Variants in ARL15 observed in about 807,000 individuals in gnomAD.
ARL15 encodes the protein ADP-ribosylation factor-like protein 15.
In ARL15, 19 loss-of-function variants were observed where a neutral mutation model predicts 25.2. That is an observed-to-expected ratio of 0.75 (90% CI 0.53 to 1.10). The LOEUF (loss-of-function observed/expected upper bound fraction) is 1.10, where lower values mean the gene tolerates loss of function less well. ARL15 is among the 50% of genes least tolerant of loss of function. ARL15 has a pLI of 0.00. For synonymous variants in ARL15, 94 were observed against 86.8 expected (o/e 1.08, Z -0.46); for missense variants, 220 against 246.0 (o/e 0.89, Z 0.71).
chr5:54,273,989 G>T (rs1199835059), intron 1 of ARL15, among the ~76,000 whole-genome samples: 2 of 152,218 alleles, frequency 1.3e-5, no homozygotes, highest in African/African-American at 4.8e-5. Context: ...AGGCCGTTAG[G>T]TCTTTCTAAG....
intron 1 of ARL15, among the ~76,000 whole-genome samples, chr5:54,277,625 G>A (rs1209638104): frequency 4.6e-5 from 7 of 152,068 alleles, no homozygotes; most frequent in South Asian, 4.2e-4. Flanking sequence ...GGTGGCGGGC[G>A]CCTGTAGTCC....
intron 1 of ARL15, among the ~76,000 whole-genome samples, chr5:54,253,196 G>C (rs1334837736): frequency 6.6e-6 from 1 of 152,190 alleles, no homozygotes; most frequent in Non-Finnish European, 1.5e-5. Context: ...AGTCAGCATA[G>C]CACTCAAATA....
chr5:54,072,248 T>C (rs1561212715), intron 4 of ARL15, among the ~76,000 whole-genome samples: 1 of 152,208 alleles, frequency 6.6e-6, no homozygotes, highest in Non-Finnish European at 1.5e-5. Context: ...TCCTACCATC[T>C]GTACTCCCAG....
At chr5:53,983,489 T>C (rs1037012817) in intron 4 of ARL15, among the ~76,000 whole-genome samples, 2 of 152,202 alleles carry the variant, frequency 1.3e-5, no homozygotes, top group Non-Finnish European at 2.9e-5. Flanking sequence ...CTCAGCAATG[T>C]CACTTTCAGC....
intron 2 of ARL15, among the ~76,000 whole-genome samples, chr5:54,160,564 CAGTAAA>C (rs974426580): frequency 2.6e-5 from 4 of 151,978 alleles, no homozygotes; most frequent in Non-Finnish European, 5.9e-5. Flanking sequence ...CATACATATA[CAGTAAA>C]GGAATTCAGT....
In ARL15 at chr5:54,078,179, T is replaced by A. The variant is rs564270043; in HGVS notation, c.462+35023A>T. Among the ~76,000 whole-genome samples the A allele has an allele frequency of 2.0e-5, 3 of 152,320 alleles. No homozygotes were observed. In the East Asian group the frequency reaches 5.8e-4, roughly 29 times the overall value. ...GAGTTATTCCTAACACCCAAATTGA[T>A]GGGGTTTTCTCATTACTGAATCTCA... On this transcript the variant is annotated intron_variant, in intron 4 of 4. Coordinates refer to ENST00000504924, the MANE Select transcript of ARL15 (RefSeq NM_019087.3).
chr5:54,201,508 TCTC>T (rs1036630912), intron 1 of ARL15, among the ~76,000 whole-genome samples: 42 of 152,048 alleles, frequency 2.8e-4, no homozygotes, highest in African/African-American at 9.9e-4. Context: ...TGATCATCCT[TCTC>T]CTCCACCATC....
chr5:54,129,943 T>C (rs191199820), intron 3 of ARL15, among the ~76,000 whole-genome samples: 2 of 152,308 alleles, frequency 1.3e-5, no homozygotes, highest in East Asian at 1.9e-4. Context: ...AGCATTAAAA[T>C]GTCTTAAAAT....
At chr5:54,032,001 A>G (rs1477193273) in intron 4 of ARL15, among the ~76,000 whole-genome samples, 2 of 152,232 alleles carry the variant, frequency 1.3e-5, no homozygotes, top group Non-Finnish European at 2.9e-5. Flanking sequence ...TATAATTGGC[A>G]TGATTAAGGT....
At chr5:54,002,451 T>A (rs1374798757) in intron 4 of ARL15, among the ~76,000 whole-genome samples, 4 of 152,142 alleles carry the variant, frequency 2.6e-5, no homozygotes, top group African/African-American at 9.7e-5. Context: ...ACTTTTTCAT[T>A]AGCTTAAAAG....
At chr5:54,182,724 A>G (rs377316621) in intron 1 of ARL15, among the ~76,000 whole-genome samples, 2 of 152,084 alleles carry the variant, frequency 1.3e-5, no homozygotes, top group African/African-American at 4.8e-5. Context: ...CATTGAATCT[A>G]TAAATTACCT....
chr5:54,235,763 C>T (rs758039147), intron 1 of ARL15, among the ~76,000 whole-genome samples: 24 of 152,136 alleles, frequency 1.6e-4, no homozygotes, highest in Non-Finnish European at 2.9e-4. Flanking sequence ...TGAGCCACCA[C>T]CCCGGGCTAT....
chr5:54,020,670 T>A (rs967973313), intron 4 of ARL15, among the ~76,000 whole-genome samples: 2 of 151,936 alleles, frequency 1.3e-5, no homozygotes, highest in Admixed American at 6.6e-5. Flanking sequence ...GAAAAGACAG[T>A]CAGCAGGGCT....
intron 3 of ARL15, among the ~76,000 whole-genome samples, chr5:54,127,419 T>C (rs1166409897): frequency 1.3e-5 from 2 of 151,996 alleles, no homozygotes; most frequent in Non-Finnish European, 2.9e-5. Flanking sequence ...CCATTCACAA[T>C]TGCTTCAAAG....
At position 54,187,459 on chromosome 5, in the gene ARL15, T is replaced by C. The variant is rs943328166; in HGVS notation, c.49-15531A>G. ...CAGCAGAACTTATCTAGTACTACAA[T>C]TGAAGGACATAAAACAGAACATATT... On this transcript the variant is annotated intron_variant, in intron 1 of 4. Coordinates refer to ENST00000504924, the MANE Select transcript of ARL15 (RefSeq NM_019087.3). Among the ~76,000 whole-genome samples, 5 of 152,186 alleles carry C rather than the reference T, an allele frequency of 3.3e-5. No homozygotes were observed. In the East Asian group the frequency reaches 7.7e-4, roughly 23 times the overall value.
At chr5:54,066,832 A>T (rs914235530) in intron 4 of ARL15, among the ~76,000 whole-genome samples, 3 of 152,166 alleles carry the variant, frequency 2.0e-5, no homozygotes, top group African/African-American at 4.8e-5. Context: ...AAACTAAATT[A>T]AAAAATATAA....
At chr5:53,898,971 G>A (rs1744967416) in intron 4 of ARL15, among the ~76,000 whole-genome samples, 1 of 151,970 alleles carries the variant, frequency 6.6e-6, no homozygotes, top group Non-Finnish European at 1.5e-5. Flanking sequence ...ATTTCTGCAA[G>A]GTTGGTAGTT....
At chr5:53,959,922 G>A (rs72764729) in intron 4 of ARL15, among the ~76,000 whole-genome samples, 3 of 152,086 alleles carry the variant, frequency 2.0e-5, no homozygotes, top group African/African-American at 4.8e-5. Context: ...TCCAAGACAG[G>A]AGCATGGCTT....
intron 4 of ARL15, among the ~76,000 whole-genome samples, chr5:53,941,768 C>T (rs566548674): frequency 2.6e-5 from 4 of 152,286 alleles, no homozygotes; most frequent in South Asian, 4.1e-4. Context: ...TTGGTGTTTT[C>T]TCGCTTTCTT....
Sources: allele counts gnomAD v4.1 joint callset (sites outside exome capture counted in the v4.1 genomes callset), GRCh38; gene constraint gnomAD v4.1.1; transcripts MANE v1.5; gene names NCBI Gene and HGNC (gene_info 2026-07-23, HGNC 2026-07-21).